RBFOX1: variants seen among roughly 807,000 people sequenced by gnomAD.
RBFOX1 encodes RNA binding protein fox-1 homolog 1.
Under a neutral mutation model 57.7 loss-of-function variants are expected in RBFOX1, and 8 were observed. The observed-to-expected ratio is 0.14, with a 90% confidence interval of 0.08 to 0.25. RBFOX1 has a LOEUF of 0.25. RBFOX1 is among the 10% of genes least tolerant of loss of function. The pLI is 1.00. For missense variants in RBFOX1, 611 were observed against 548.5 expected, an observed-to-expected ratio of 1.11 and a Z score of -1.14; for synonymous variants, 326 against 222.4, an observed-to-expected ratio of 1.47 and a Z score of -4.15.
chr16:7,614,845 C>A (rs1022924984), intron 10 of RBFOX1: 1 of 152,208 alleles, frequency 6.6e-6, no homozygotes. Context: ...ATTATGAAGT[C>A]AAGGTTTCTG....
intron 2 of RBFOX1, among the ~76,000 whole-genome samples, chr16:5,473,000 G>T (rs2069191000): frequency 6.6e-6 from 1 of 152,136 alleles, no homozygotes; most frequent in African/African-American, 2.4e-5. Flanking sequence ...GCTGGCTCCA[G>T]TCACCTTTCT....
intron 4 of RBFOX1, among the ~76,000 whole-genome samples, chr16:7,152,410 C>T (rs373826632): frequency 3.2e-4 from 49 of 152,270 alleles, no homozygotes; most frequent in African/African-American, 4.6e-4. Context: ...TTGGCTGACC[C>T]GATAGCCAAA....
At chr16:6,167,138 C>A (rs79538275) in intron 1 of RBFOX1, among the ~76,000 whole-genome samples, 6,524 of 152,200 alleles carry the variant, frequency 0.043, 301 homozygotes, top group African/African-American at 0.12. Context: ...CGAATAGTGG[C>A]GTTGTGTTGC....
At chr16:6,201,179 T>C (rs1292836130) in intron 1 of RBFOX1, among the ~76,000 whole-genome samples, 1 of 152,162 alleles carries the variant, frequency 6.6e-6, no homozygotes, top group Non-Finnish European at 1.5e-5. Flanking sequence ...GTATCTATGG[T>C]ACCACAGTGG....
At chr16:5,841,024 G>A (rs1372544838) in intron 3 of RBFOX1, among the ~76,000 whole-genome samples, 9 of 152,222 alleles carry the variant, frequency 5.9e-5, no homozygotes, top group Non-Finnish European at 1.5e-5. Flanking sequence ...ACCTTGTGCT[G>A]CAGATAACGT....
chr16:7,579,989 G>C (rs1305344737), intron 6 of RBFOX1, 69 bp downstream of exon 6: 2 of 1,535,576 alleles, frequency 1.3e-6, no homozygotes, highest in Middle Eastern at 1.8e-4. Flanking sequence ...TCTCATGTAA[G>C]TTTGGGGTAT....
rs75153989 is a variant in RBFOX1 at position 6,644,486 on chromosome 16, G to C, written c.-63-10117G>C. Reference sequence around the variant, plus strand: ...GTTGATCATAAGCCGATTTGGGCTTGTCAGATGAACCTTTGACTGTGTCTC... The same window carrying C: ...GTTGATCATAAGCCGATTTGGGCTTCTCAGATGAACCTTTGACTGTGTCTC... On this transcript the variant is annotated intron_variant, in intron 2 of 15. Transcript: ENST00000550418. Among the ~76,000 whole-genome samples, 8 of 152,330 alleles carry C rather than the reference G, an allele frequency of 5.3e-5. No individual in the cohort carries two copies. The East Asian group carries it at 1.4e-3, about 26-fold the overall frequency.
At chr16:6,589,929 C>G (rs372756036) in intron 2 of RBFOX1, among the ~76,000 whole-genome samples, 20 of 152,144 alleles carry the variant, frequency 1.3e-4, no homozygotes, top group African/African-American at 3.6e-4. Context: ...CCACCTGTAG[C>G]TACATCATGA....
At chr16:5,449,285 A>T (rs2151560639) in intron 1 of RBFOX1, among the ~76,000 whole-genome samples, 1 of 152,010 alleles carries the variant, frequency 6.6e-6, no homozygotes. Context: ...TTCCCTAATG[A>T]CGCCTACTTA....
chr16:7,213,494 A>G (rs150425478), intron 4 of RBFOX1, among the ~76,000 whole-genome samples: 2 of 152,200 alleles, frequency 1.3e-5, no homozygotes, highest in African/African-American at 4.8e-5. Context: ...GTTTTCATGA[A>G]TGAGTATTTA....
At chr16:7,504,698 A>C (rs1354946929) in intron 4 of RBFOX1, among the ~76,000 whole-genome samples, 1 of 119,206 alleles carries the variant, frequency 8.4e-6, no homozygotes, top group Non-Finnish European at 1.6e-5. Context: ...TCCTGTGGAG[A>C]TGAAGTGAGA....
chr16:6,547,284 G>C (rs8059978), intron 2 of RBFOX1, among the ~76,000 whole-genome samples: 77,426 of 151,990 alleles, frequency 0.51, 20,865 homozygotes, highest in Non-Finnish European at 0.6. Flanking sequence ...GCCCCGGCTG[G>C]TGATTTATAA....
intron 4 of RBFOX1, among the ~76,000 whole-genome samples, chr16:5,981,869 A>G (rs543228944): frequency 6.6e-6 from 1 of 152,354 alleles, no homozygotes; most frequent in South Asian, 2.1e-4. Context: ...GGGAGCTGCT[A>G]CTTGTGTTTA....
intron 1 of RBFOX1, among the ~76,000 whole-genome samples, chr16:6,052,184 G>A (rs147495945): frequency 3.3e-5 from 5 of 152,156 alleles, no homozygotes; most frequent in African/African-American, 9.6e-5. Context: ...GTGTCCCTCC[G>A]TTTCCAGTCC....
At chr16:6,835,422 T>G (rs1005860057) in intron 3 of RBFOX1, among the ~76,000 whole-genome samples, 14 of 152,122 alleles carry the variant, frequency 9.2e-5, no homozygotes. Flanking sequence ...AGAATCACAT[T>G]AACTTCCAAA....
chr16:5,929,848 TACAA>T (rs2059012955), intron 4 of RBFOX1, among the ~76,000 whole-genome samples: 1 of 138,844 alleles, frequency 7.2e-6, no homozygotes, highest in African/African-American at 2.6e-5. Context: ...GGTAAGTAGG[TACAA>T]ACAGAGTCTT....
At position 7,376,139 on chromosome 16, in the gene RBFOX1, A is replaced by T. The variant is rs373211179; in HGVS notation, c.28-142008A>T. On this transcript the variant is annotated intron_variant, in intron 4 of 15. Transcript: ENST00000550418. The stretch of plus-strand genomic sequence containing the variant: ...ACAAGAAATAATACAAATATTTAGT[A>T]AGCAAGGGATGATTGCATTTTTGGA... Among the ~76,000 whole-genome samples, 20 of 152,350 alleles carry T rather than the reference A, an allele frequency of 1.3e-4. No individual in the cohort carries two copies. In the East Asian group the frequency reaches 3.9e-3, roughly 29 times the overall value.
intron 4 of RBFOX1, among the ~76,000 whole-genome samples, chr16:7,099,897 T>C (rs1199543880): frequency 6.6e-6 from 1 of 152,122 alleles, no homozygotes; most frequent in East Asian, 1.9e-4. Context: ...GAGAATAGAC[T>C]GTAAATGTTT....
intron 2 of RBFOX1, among the ~76,000 whole-genome samples, chr16:6,540,546 A>C (rs1263496401): frequency 1.5e-5 from 2 of 136,784 alleles, no homozygotes; most frequent in Non-Finnish European, 3.1e-5. Flanking sequence ...TGGGAGGCCG[A>C]GGTTGCAGTG....
Sources: gnomAD v4.1 joint callset for allele counts (sites outside exome capture counted in the v4.1 genomes callset) on GRCh38, gnomAD v4.1.1 for gene constraint, MANE v1.5 for transcripts, NCBI Gene and HGNC (gene_info 2026-07-23, HGNC 2026-07-21) for gene names.